The following NXN variants were observed in gnomAD, a reference collection of about 807,000 sequenced individuals.
NXN encodes nucleoredoxin.
Under a neutral mutation model 48.6 loss-of-function variants are expected in NXN, and 16 were observed. The observed-to-expected ratio is 0.33, with a 90% CI of 0.22 to 0.50. The LOEUF is 0.50. NXN is among the 20% of genes least tolerant of loss of function. NXN has a pLI of 0.98. For synonymous variants in NXN, 281 were observed against 269.6 expected (o/e 1.04, Z -0.41); for missense variants, 492 against 605.5 (o/e 0.81, Z 1.97).
Position 804,562 on chromosome 17 carries a change from C to T in NXN, c.1000+506G>A, listed in dbSNP as rs556831626. 2.9e-4 allele frequency among the ~76,000 whole-genome samples: 44 copies of T among 152,306 alleles called. 1 individual carries two copies. In the South Asian group the frequency reaches 8.3e-3, roughly 29 times the overall value. ...GACTGCAGGGAGCCTGGCATGGATG[C>T]GCCTGTGTCCCCCTGGCCCGGCTGG... is the stretch of plus-strand genomic sequence containing the variant. On this transcript the variant is annotated intron_variant, in intron 6 of 7. Transcript: ENST00000336868.
chr17:841,642 T>TC (rs1914306069), intron 1 of NXN, among the ~76,000 whole-genome samples: 3 of 79,786 alleles, frequency 3.8e-5, no homozygotes, highest in African/African-American at 1.9e-4. Flanking sequence ...AGGTCCACCC[T>TC]GACCACAGCG....
intron 1 of NXN, among the ~76,000 whole-genome samples, chr17:833,424 G>A (rs374847545): frequency 1.6e-4 from 24 of 152,180 alleles, no homozygotes; most frequent in East Asian, 1.2e-3. Context: ...ATTCACTTAC[G>A]CAGCCCGGAA....
rs112714159 is a variant in NXN, at chr17:826,442, G to C, written c.361-364C>G. On this transcript the variant is annotated intron_variant, in intron 1 of 7. Coordinates refer to ENST00000336868, the MANE Select transcript of NXN (RefSeq NM_022463.5). ...CTGATGGAGGACCACACTCATCCTG[G>C]AGAGTACTACCCTTCCACGTCTCTA... Among the ~76,000 whole-genome samples, 1,513 of 152,290 alleles carry C rather than the reference G, an allele frequency of 9.9e-3. 25 individuals carry two copies. The highest frequency in any genetic ancestry group is 0.035 in the African/African-American group (1,445 of 41,540).
chr17:827,529 A>G (rs1286307867), intron 1 of NXN, among the ~76,000 whole-genome samples: 1 of 152,204 alleles, frequency 6.6e-6, no homozygotes, highest in East Asian at 1.9e-4. Flanking sequence ...AGGCTGAGGC[A>G]GGAGAATGGC....
At chr17:808,682 T>G (rs1911730299) in intron 5 of NXN, among the ~76,000 whole-genome samples, 1 of 149,812 alleles carries the variant, frequency 6.7e-6, no homozygotes, top group African/African-American at 2.4e-5. Context: ...ACCAGTTTTT[T>G]TTTTTTTTTT....
rs1433988520 is a variant in NXN at position 825,233 on chromosome 17, A to T, written c.478+728T>A. 6.6e-6 allele frequency among the ~76,000 whole-genome samples: 1 copy of T among 151,976 alleles called. No individual in the cohort carries two copies. The highest frequency in any genetic ancestry group is 1.9e-4 in the East Asian group (1 of 5,182). On this transcript the variant is annotated intron_variant, in intron 2 of 7. Transcript: ENST00000336868. This position sits in a 1 kb window ranked among gnomAD's most constrained non-coding sequence, Gnocchi z 4.1. Reference sequence around the variant, plus strand: ...TAGTGTCTCAAGAGAAAAAAAAAAAAAAAAAAGAAAAGCTTCACGCTTGGT... The same window carrying T: ...TAGTGTCTCAAGAGAAAAAAAAAAATAAAAAAGAAAAGCTTCACGCTTGGT...
In NXN at chr17:979,363, C is replaced by G. The variant is rs767712123; in HGVS notation, c.316G>C (p.Asp106His). The G allele has an allele frequency of 6.5e-7, 1 of 1,541,984 alleles. No homozygotes were observed. The highest frequency in any genetic ancestry group is 1.1e-5 in the South Asian group (1 of 87,056). Residue 106 changes from aspartate to histidine, a missense_variant, in exon 1 of 8, where the codon GAC becomes CAC. Transcript: ENST00000336868. ...DQRQWQDFVR[D>H]MPWLALPYKE... ...TAGGGCAGCGCCAGCCACGGCATGT[C>G]CCGCACGAAGTCCTGCCACTGCCGC...
At chr17:855,878 C>A (rs1345081940) in intron 1 of NXN, among the ~76,000 whole-genome samples, 2 of 152,004 alleles carry the variant, frequency 1.3e-5, no homozygotes, top group Non-Finnish European at 2.9e-5. Context: ...CACAGCCGGC[C>A]CCTGGGGGAG....
chr17:810,770 T>C (rs987621881), intron 5 of NXN, among the ~76,000 whole-genome samples: 8 of 151,960 alleles, frequency 5.3e-5, no homozygotes, highest in African/African-American at 1.9e-4. Flanking sequence ...ACCCCTGTAC[T>C]CCCAGCTACT....
chr17:859,791 C>T lies in NXN; in HGVS notation c.361-33713G>A, dbSNP rs552868801. 2.0e-5 allele frequency among the ~76,000 whole-genome samples: 3 copies of T among 152,332 alleles called. No individual in the cohort carries two copies. The East Asian group carries it at 5.8e-4, about 29-fold the overall frequency. On this transcript the variant is annotated intron_variant, in intron 1 of 7. Coordinates refer to ENST00000336868, the MANE Select transcript of NXN (RefSeq NM_022463.5). ...CCTGGCCCTCAGGCCGTTCCAGACA[C>T]CCCTTCCCTGTCCTCCACGGGGTAC...
intron 1 of NXN, among the ~76,000 whole-genome samples, chr17:886,635 G>A (rs909875981): frequency 1.1e-4 from 17 of 152,216 alleles, no homozygotes; most frequent in African/African-American, 3.9e-4. Context: ...AAAATTAGCC[G>A]GGCGTGGTGG....
intron 1 of NXN, among the ~76,000 whole-genome samples, chr17:966,696 G>A (rs751007390): frequency 4.0e-5 from 6 of 151,800 alleles, no homozygotes; most frequent in Admixed American, 6.6e-5. Flanking sequence ...CTTCCAACGT[G>A]GCCCAGGGAG....
At chr17:951,993 C>A (rs1597270662) in intron 1 of NXN, among the ~76,000 whole-genome samples, 2 of 152,322 alleles carry the variant, frequency 1.3e-5, no homozygotes, top group East Asian at 3.9e-4. Flanking sequence ...ATGCAGAATT[C>A]TCCACGGTCA....
At chr17:941,909 T>A (rs572645426) in intron 1 of NXN, among the ~76,000 whole-genome samples, 2 of 41,940 alleles carry the variant, frequency 4.8e-5, no homozygotes, top group African/African-American at 1.2e-4. Flanking sequence ...TGAACTCACA[T>A]CACACCTTCC....
At chr17:804,107 C>T (rs1432499933) in intron 6 of NXN, 2 of 313,758 alleles carry the variant, frequency 6.4e-6, no homozygotes, top group Non-Finnish European at 6.0e-6. Context: ...CTCACAAACC[C>T]GCCTGGGAGG....
intron 1 of NXN, among the ~76,000 whole-genome samples, chr17:902,522 C>G (rs11652999): frequency 0.34 from 51,340 of 151,980 alleles, 9,667 homozygotes; most frequent in East Asian, 0.55. Context: ...TCCCCTCCCC[C>G]AAAAGGTGAG....
chr17:842,996 GAGAGAAAGAGAGAA>G (rs1567828959), intron 1 of NXN, among the ~76,000 whole-genome samples: 1 of 103,694 alleles, frequency 9.6e-6, no homozygotes, highest in Non-Finnish European at 1.9e-5. Flanking sequence ...AAGAGAGAAA[GAGAGAAAGAGAGAA>G]AGAAAGAAAG....
At chr17:940,853 A>T (rs1373268057) in intron 1 of NXN, among the ~76,000 whole-genome samples, 4 of 150,770 alleles carry the variant, frequency 2.7e-5, no homozygotes, top group Non-Finnish European at 4.4e-5. Flanking sequence ...TACAGTGAAC[A>T]AGATTCCAGG....
chr17:882,315 G>C (rs2068293036), intron 1 of NXN, among the ~76,000 whole-genome samples: 1 of 148,132 alleles, frequency 6.8e-6, no homozygotes, highest in Non-Finnish European at 1.5e-5. Context: ...CCTCCACCCA[G>C]TGTCCCCAAA....
Sources: gnomAD v4.1 joint callset for allele counts (sites outside exome capture counted in the v4.1 genomes callset) on GRCh38, gnomAD v4.1.1 for gene constraint, Gnocchi (gnomAD v3.1) non-coding constraint, MANE v1.5 for transcripts, NCBI Gene and HGNC (gene_info 2026-07-23, HGNC 2026-07-21) for gene names.